Variants in SYT7 observed in about 807,000 individuals in gnomAD.
The protein encoded by SYT7 is synaptotagmin-7.
In SYT7, 29 loss-of-function variants were observed where a neutral mutation model predicts 75.1. The observed-to-expected ratio is 0.39, with a 90% CI of 0.29 to 0.53. SYT7 has a LOEUF of 0.53. Ranked by LOEUF, SYT7 falls within the 20% of genes least tolerant of loss-of-function variation. SYT7 has a pLI of 0.77. For synonymous variants in SYT7, 376 were observed against 401.7 expected (o/e 0.94, Z 0.76); for missense variants, 693 against 953.2 (o/e 0.73, Z 3.59).
chr11:61,561,680 T>C (rs140308595), intron 1 of SYT7, among the ~76,000 whole-genome samples: 1 of 152,220 alleles, frequency 6.6e-6, no homozygotes, highest in Non-Finnish European at 1.5e-5. Flanking sequence ...TAAATGCTTA[T>C]TGAAAGAATG....
Position 61,546,780 on chromosome 11 carries a change from G to A in SYT7, c.347+397C>T, listed in dbSNP as rs938213519. 3.1e-5 allele frequency: 12 copies of A among 388,838 alleles called. No homozygotes were observed. The highest frequency in any genetic ancestry group is 1.6e-4 in the East Asian group (2 of 12,504). The allele number at this position is 388,838 out of a possible 1,614,324, so 24.1% of individuals were successfully genotyped here. A position where few individuals can be genotyped will look rare whatever the true frequency, so the allele number is the denominator to read the frequency against. ...CACGAACCACCGACCACCGACCACCGACCACCGAGCAGCCACGGCAGCACA... is the reference window on the plus strand; with the variant it reads ...CACGAACCACCGACCACCGACCACCAACCACCGAGCAGCCACGGCAGCACA... On this transcript the variant is annotated intron_variant, in intron 4 of 12. Coordinates refer to ENST00000539008, the MANE Select transcript of SYT7 (RefSeq NM_001365809.2). This position sits in a 1 kb window ranked among gnomAD's most constrained non-coding sequence, Gnocchi z 7.6.
At chr11:61,555,250 T>A (rs556435026) in intron 2 of SYT7, among the ~76,000 whole-genome samples, 68 of 152,310 alleles carry the variant, frequency 4.5e-4, no homozygotes, top group African/African-American at 1.5e-3. Flanking sequence ...TGACCCTCCT[T>A]CACCTGACTC....
At chr11:61,534,452 C>CACAT (rs1555004888) in intron 7 of SYT7, among the ~76,000 whole-genome samples, 17 of 150,080 alleles carry the variant, frequency 1.1e-4, no homozygotes, top group Admixed American at 4.0e-4. Flanking sequence ...CACGCACACA[C>CACAT]GCACGTGCGT....
At chr11:61,522,187 C>CTTTTTT (rs60616538) in intron 12 of SYT7, among the ~76,000 whole-genome samples, 1 of 114,274 alleles carries the variant, frequency 8.8e-6, no homozygotes, top group African/African-American at 3.4e-5. Flanking sequence ...GAAGAGATCA[C>CTTTTTT]TTTTTTTTTT....
At position 61,553,978 on chromosome 11, in the gene SYT7, G is replaced by C. The variant is rs1025568461; in HGVS notation, c.135+2126C>G. Among the ~76,000 whole-genome samples, 1 of 152,100 alleles carries C rather than the reference G, an allele frequency of 6.6e-6. No homozygotes were observed. The highest frequency in any genetic ancestry group is 1.5e-5 in the Non-Finnish European group (1 of 68,012). ...CTGGAACCCCTGAGGCGGAGGGGAGGGGGTGGCAGGGCTTGGGGGACTGGG... is the reference window on the plus strand; with the variant it reads ...CTGGAACCCCTGAGGCGGAGGGGAGCGGGTGGCAGGGCTTGGGGGACTGGG... On this transcript the variant is annotated intron_variant, in intron 2 of 12. Coordinates refer to ENST00000539008, the MANE Select transcript of SYT7 (RefSeq NM_001365809.2). This position sits in a 1 kb window ranked among gnomAD's most constrained non-coding sequence, Gnocchi z 5.2.
At chr11:61,587,109 A>C in the SYT7 span, among the ~76,000 whole-genome samples, 3 of 152,122 alleles carry the variant, frequency 2.0e-5, no homozygotes, top group African/African-American at 7.2e-5. Flanking sequence ...GTTTGTTCAA[A>C]GCCCTGGGCC....
In SYT7 at chr11:61,551,698, C is replaced by T. The variant is rs1348661388; in HGVS notation, c.136-235G>A. On this transcript the variant is annotated intron_variant, in intron 2 of 12. Coordinates refer to ENST00000539008, the MANE Select transcript of SYT7 (RefSeq NM_001365809.2). This position sits in a 1 kb window ranked among gnomAD's most constrained non-coding sequence, Gnocchi z 5.3. Reference sequence around the variant, plus strand: ...AGGACCTGCCCCACCCACCTCGACCCGAACCTCATCCCTGACTCCCAGGGA... The same window carrying T: ...AGGACCTGCCCCACCCACCTCGACCTGAACCTCATCCCTGACTCCCAGGGA... Among the ~76,000 whole-genome samples, 5 of 152,254 alleles carry T rather than the reference C, an allele frequency of 3.3e-5. No homozygotes were observed. Among genetic ancestry groups the T allele is most frequent in the South Asian group, 4.1e-4 (2 of 4,826 alleles).
At chr11:61,567,845 G>C (rs1357405027) in intron 1 of SYT7, among the ~76,000 whole-genome samples, 1 of 152,236 alleles carries the variant, frequency 6.6e-6, no homozygotes. Flanking sequence ...GGCGCTCAGA[G>C]CTTGCGGCGT....
At position 61,517,973 on chromosome 11, in the gene SYT7, C is replaced by T; in HGVS notation, c.*654G>A. On this transcript the variant is annotated 3_prime_UTR_variant, in exon 13 of 13. Coordinates refer to ENST00000539008, the MANE Select transcript of SYT7 (RefSeq NM_001365809.2). ...CCTATGGGCCTCTCCTCTCACACCC[C>T]CGGCCTCCAACCCTGCCTGGCCTTC... The T allele has an allele frequency of 5.5e-6, 1 of 182,082 alleles. No individual in the cohort carries two copies. The highest frequency in any genetic ancestry group is 1.1e-5 in the Non-Finnish European group (1 of 88,468). The allele number at this position is 182,082 out of a possible 1,614,324, so 11.3% of individuals were successfully genotyped here.
rs537374363 is a variant in SYT7, at chr11:61,580,892, G to C, written c.-72C>G. 8.9e-7 allele frequency: 1 copy of C among 1,127,678 alleles called. No individual in the cohort carries two copies. 69.9% of individuals were successfully genotyped at this position (1,127,678 alleles called of 1,614,324 possible). A position where few individuals can be genotyped will look rare whatever the true frequency, so the allele number is the denominator to read the frequency against. ...GGCCGCGCGCTGCTCCGCCGCCGCCGCTGGGCATGGGGCCGGGCGACCCCC... is the reference window on the plus strand; with the variant it reads ...GGCCGCGCGCTGCTCCGCCGCCGCCCCTGGGCATGGGGCCGGGCGACCCCC... On this transcript the variant is annotated 5_prime_UTR_variant, in exon 1 of 13. Coordinates refer to ENST00000539008, the MANE Select transcript of SYT7 (RefSeq NM_001365809.2). The surrounding 1 kb of genome is among the most constrained non-coding windows in gnomAD (Gnocchi z 6.1).
In SYT7 at chr11:61,518,054, C is replaced by A. The variant is rs924240230; in HGVS notation, c.*573G>T. On this transcript the variant is annotated 3_prime_UTR_variant, in exon 13 of 13. Transcript: ENST00000539008. ...GCATTTCCAGGCCTCTGTCCCCACG[C>A]ACACACACAATGGACACAACACGAG... 97 of 156,076 alleles carry A rather than the reference C, an allele frequency of 6.2e-4. No homozygotes were observed. Among genetic ancestry groups the A allele is most frequent in the African/African-American group, 2.2e-3 (89 of 39,632 alleles). The allele number at this position is 156,076 out of a possible 1,614,324, so 9.7% of individuals were successfully genotyped here. A position where few individuals can be genotyped will look rare whatever the true frequency, so the allele number is the denominator to read the frequency against.
chr11:61,580,706 G>C lies in SYT7; in HGVS notation c.31+84C>G. On this transcript the variant is annotated intron_variant, in intron 1 of 12. Transcript: ENST00000539008. This position sits in a 1 kb window ranked among gnomAD's most constrained non-coding sequence, Gnocchi z 6.1. ...GGCTCCGGGCGGACAACAGCCCCAG[G>C]CTGGGGCTCCGAGACGGCGTCCGGC... 1 of 947,212 alleles carries C rather than the reference G, an allele frequency of 1.1e-6. No individual in the cohort carries two copies. The highest frequency in any genetic ancestry group is 1.4e-6 in the Non-Finnish European group (1 of 736,486). 58.7% of individuals were successfully genotyped at this position (947,212 alleles called of 1,614,324 possible). A position where few individuals can be genotyped will look rare whatever the true frequency, so the allele number is the denominator to read the frequency against.
Position 61,523,308 on chromosome 11 carries a change from C to A in SYT7, c.1757-34G>T. 7 of 1,596,436 alleles carry A rather than the reference C, an allele frequency of 4.4e-6. No individual in the cohort carries two copies. Among genetic ancestry groups the A allele is most frequent in the Non-Finnish European group, 6.0e-6 (7 of 1,164,390 alleles). Reference sequence around the variant, plus strand: ...GGGAGTGGGGAAGGGTTAGAGGGACCGTGGGGGAGGGACTTCCTAGGATCC... The same window carrying A: ...GGGAGTGGGGAAGGGTTAGAGGGACAGTGGGGGAGGGACTTCCTAGGATCC... On this transcript the variant is annotated intron_variant, in intron 11 of 12. Transcript: ENST00000539008. This position sits in a 1 kb window ranked among gnomAD's most constrained non-coding sequence, Gnocchi z 5.0.
Position 61,523,162 on chromosome 11 carries a change from A to G in SYT7, c.1869T>C (p.Asp623=). The G allele has an allele frequency of 6.2e-7, 1 of 1,614,202 alleles. No individual in the cohort carries two copies. Among genetic ancestry groups the G allele is most frequent in the Non-Finnish European group, 8.5e-7 (1 of 1,180,030 alleles). ...NPIFNESFAF[D]IPTEKLRETT... ...TCTCCCTCAGCTTCTCCGTGGGGAT[A>G]TCGAAGGCGAAGGACTCATTGAAGA... Residue 623 remains aspartate (D), a synonymous_variant, in exon 12 of 13, where the codon GAT becomes GAC. Coordinates refer to ENST00000539008, the MANE Select transcript of SYT7 (RefSeq NM_001365809.2). This position sits in a 1 kb window ranked among gnomAD's most constrained non-coding sequence, Gnocchi z 5.0.
Position 61,524,507 on chromosome 11 carries a change from C to T in SYT7, c.1497G>A (p.Gln499=). Residue 499 remains glutamine, a synonymous_variant, in exon 10 of 13, where the codon CAG becomes CAA. Coordinates refer to ENST00000539008, the MANE Select transcript of SYT7 (RefSeq NM_001365809.2). The surrounding 1 kb of genome is among the most constrained non-coding windows in gnomAD (Gnocchi z 4.1). ...CCAGGACTTGGAGGTAGAGGATCCT[C>T]TGCACCACCTTCTCATAGGGAAAAC... is the stretch of plus-strand genomic sequence containing the variant. The part of the protein sequence containing the change: ...FEGFPYEKVV[Q]RILYLQVLDY... 6.2e-7 allele frequency: 1 copy of T among 1,602,280 alleles called. No homozygotes were observed. Among genetic ancestry groups the T allele is most frequent in the East Asian group, 2.2e-5 (1 of 44,672 alleles).
chr11:61,517,573 A>G lies in SYT7; in HGVS notation c.*1054T>C. The stretch of plus-strand genomic sequence containing the variant: ...AGGTCTGCACAGGCAGGGAGAGATG[A>G]GGAAGGGCAGGCAAGCTGGAAAGCA... On this transcript the variant is annotated 3_prime_UTR_variant, in exon 13 of 13. Transcript: ENST00000539008. 2.5e-6 allele frequency: 1 copy of G among 399,464 alleles called. No homozygotes were observed. Among genetic ancestry groups the G allele is most frequent in the Non-Finnish European group, 4.4e-6 (1 of 226,632 alleles). 24.7% of individuals were successfully genotyped at this position (399,464 alleles called of 1,614,324 possible).
chr11:61,575,376 G>A (rs2064042227), intron 1 of SYT7, among the ~76,000 whole-genome samples: 1 of 152,192 alleles, frequency 6.6e-6, no homozygotes, highest in Non-Finnish European at 1.5e-5. Flanking sequence ...ATGATAGGCA[G>A]CCCTCCTCTT....
At chr11:61,556,283 A>G in intron 1 of SYT7, 76 bp from the exon 2 acceptor site, 2 of 1,208,214 alleles carry the variant, frequency 1.7e-6, no homozygotes, top group Non-Finnish European at 2.4e-6. Context: ...GCCCTCCAGA[A>G]CCACCACCCT....
At chr11:61,531,062 G>A in intron 8 of SYT7, 1 of 985,436 alleles carries the variant, frequency 1.0e-6, no homozygotes, top group Non-Finnish European at 1.2e-6. Flanking sequence ...CTTAACTCTT[G>A]TCTCTTGACC....
Sources: gnomAD v4.1 joint callset for allele counts (sites outside exome capture counted in the v4.1 genomes callset) on GRCh38, gnomAD v4.1.1 for gene constraint, Gnocchi (gnomAD v3.1) non-coding constraint, MANE v1.5 for transcripts, NCBI Gene and HGNC (gene_info 2026-07-23, HGNC 2026-07-21) for gene names.